TTC39B: variants seen among roughly 807,000 people sequenced by gnomAD.
TTC39B encodes the protein tetratricopeptide repeat domain 39B.
TTC39B carries 92 observed loss-of-function variants against 96.6 expected under a neutral mutation model. The observed-to-expected ratio is 0.95, with a 90% confidence interval of 0.80 to 1.13. The LOEUF is 1.13. TTC39B is among the 50% of genes most tolerant of loss of function. The pLI is 0.00. For missense variants in TTC39B, 955 were observed against 809.3 expected (o/e 1.18, Z -2.18); for synonymous variants, 367 against 299.4 (o/e 1.23, Z -2.33).
intron 2 of TTC39B, among the ~76,000 whole-genome samples, chr9:15,254,786 G>A (rs1210194024): frequency 2.7e-5 from 4 of 149,628 alleles, no homozygotes; most frequent in Non-Finnish European, 4.4e-5. Flanking sequence ...AAATGGCAAA[G>A]AATCCCTTAA....
Position 15,187,041 on chromosome 9 carries a change from G to A in TTC39B, c.1396-6C>T, listed in dbSNP as rs780747379. ...TTCAAGAACACATAAGTTGCCTTGA[G>A]AAAAAGAAGGAGCTTATTACAGAAC... On this transcript the variant is annotated splice_polypyrimidine_tract_variant and splice_region_variant and intron_variant, in intron 14 of 19. Coordinates refer to ENST00000512701, the Ensembl canonical transcript of TTC39B. The A allele has an allele frequency of 2.5e-6, 4 of 1,605,320 alleles. No individual in the cohort carries two copies. Among genetic ancestry groups the A allele is most frequent in the African/African-American group, 2.7e-5 (2 of 74,280 alleles).
At chr9:15,238,329 T>C (rs2131459916) in intron 2 of TTC39B, among the ~76,000 whole-genome samples, 1 of 152,290 alleles carries the variant, frequency 6.6e-6, no homozygotes, top group Non-Finnish European at 1.5e-5. Context: ...ATTATCTTTG[T>C]TAATTGATGA....
chr9:15,256,476 A>G (rs1464705531), intron 2 of TTC39B, among the ~76,000 whole-genome samples: 1 of 152,242 alleles, frequency 6.6e-6, no homozygotes, highest in Non-Finnish European at 1.5e-5. Flanking sequence ...TGTGACAAGC[A>G]TGGTGCATAG....
chr9:15,272,546 C>A (rs1823394976), intron 1 of TTC39B, among the ~76,000 whole-genome samples: 2 of 152,178 alleles, frequency 1.3e-5, no homozygotes, highest in African/African-American at 4.8e-5. Context: ...ACTCCCATAC[C>A]AGGGCCAACC....
intron 13 of TTC39B, among the ~76,000 whole-genome samples, chr9:15,188,342 T>C (rs1818656450): frequency 6.6e-6 from 1 of 152,174 alleles, no homozygotes; most frequent in African/African-American, 2.4e-5. Context: ...CTTGACACTT[T>C]GTAATGTGGG....
chr9:15,235,864 G>T (rs748925840), intron 2 of TTC39B, among the ~76,000 whole-genome samples: 2 of 152,102 alleles, frequency 1.3e-5, no homozygotes, highest in Non-Finnish European at 2.9e-5. Context: ...AAAAGAACAC[G>T]TAAGTGCAAA....
chr9:15,200,315 C>T (rs1819460137), intron 7 of TTC39B, among the ~76,000 whole-genome samples: 1 of 152,192 alleles, frequency 6.6e-6, no homozygotes. Context: ...GCCAAACCTT[C>T]CAGTACATTA....
At chr9:15,190,095 G>C (rs1194124354) in intron 11 of TTC39B, among the ~76,000 whole-genome samples, 3 of 151,770 alleles carry the variant, frequency 2.0e-5, no homozygotes, top group Non-Finnish European at 4.4e-5. Context: ...TTTCTGCAAA[G>C]AAAAAAATCT....
intron 1 of TTC39B, among the ~76,000 whole-genome samples, chr9:15,288,576 C>T (rs1458838902): frequency 1.3e-5 from 2 of 152,216 alleles, no homozygotes; most frequent in Admixed American, 6.5e-5. Context: ...TGAGAGCCAC[C>T]TCCACCATTC....
chr9:15,167,757 A>C (rs1460610940), exon 20 of TTC39B: 2 of 152,212 alleles, frequency 1.3e-5, no homozygotes, highest in Non-Finnish European at 2.9e-5. Flanking sequence ...TGTCTCAAAA[A>C]ATATATATAT....
intron 19 of TTC39B, 76 bp downstream of exon 19, chr9:15,174,943 G>C: frequency 1.1e-6 from 1 of 890,428 alleles, no homozygotes; most frequent in Non-Finnish European, 1.9e-6. Context: ...AGTATATAAT[G>C]TTACTGCTGT....
At position 15,227,407 on chromosome 9, in the gene TTC39B, T is replaced by C. The variant is rs142659291; in HGVS notation, c.276-1395A>G. On this transcript the variant is annotated intron_variant, in intron 2 of 19. Coordinates refer to ENST00000512701, the Ensembl canonical transcript of TTC39B. The stretch of plus-strand genomic sequence containing the variant: ...TCAGACTTCCCAATGCACTCTAATA[T>C]TTTACACTAGACATTCATTTTTATC... Among the ~76,000 whole-genome samples, 516 of 152,258 alleles carry C rather than the reference T, an allele frequency of 3.4e-3. 4 individuals are homozygous for C. The highest frequency in any genetic ancestry group is 0.012 in the African/African-American group (501 of 41,552).
chr9:15,228,059 G>C lies in TTC39B; in HGVS notation c.276-2047C>G, dbSNP rs113532586. On this transcript the variant is annotated intron_variant, in intron 2 of 19. Transcript: ENST00000512701. The stretch of plus-strand genomic sequence containing the variant: ...ATCTTTTGCCATGTTTCCCAAGATT[G>C]TTTTTAAAAAAACACATCTTTTCCC... Among the ~76,000 whole-genome samples, 712 of 152,032 alleles carry C rather than the reference G, an allele frequency of 4.7e-3. 2 individuals are homozygous for C. Among genetic ancestry groups the C allele is most frequent in the Non-Finnish European group, 6.8e-3 (464 of 67,960 alleles).
At chr9:15,192,831 T>A in intron 8 of TTC39B, 136 bp from the exon 9 acceptor site, 2 of 617,340 alleles carry the variant, frequency 3.2e-6, no homozygotes, top group Non-Finnish European at 5.6e-6. Flanking sequence ...AGGATGATGC[T>A]GTGCTGAGTT....
exon 19 of TTC39B, chr9:15,175,090 T>C (rs1170225787): frequency 4.3e-6 from 7 of 1,613,690 alleles, no homozygotes; most frequent in Admixed American, 1.7e-5. Flanking sequence ...CCAATTCAAA[T>C]AGAGTGAACG....
intron 6 of TTC39B, among the ~76,000 whole-genome samples, chr9:15,204,953 T>C (rs570801574): frequency 1.3e-5 from 2 of 152,288 alleles, no homozygotes; most frequent in East Asian, 1.9e-4. Flanking sequence ...CTTTTTTCCA[T>C]ACACAAGTCA....
chr9:15,284,186 A>G (rs1238074898), intron 1 of TTC39B, among the ~76,000 whole-genome samples: 4 of 152,244 alleles, frequency 2.6e-5, no homozygotes, highest in Non-Finnish European at 5.9e-5. Flanking sequence ...TAAATGTGGA[A>G]ATGTGCACGT....
intron 2 of TTC39B, among the ~76,000 whole-genome samples, chr9:15,232,944 C>G (rs1821510407): frequency 6.6e-6 from 1 of 152,156 alleles, no homozygotes; most frequent in Non-Finnish European, 1.5e-5. Context: ...GGTTCGAACA[C>G]TCTGGGGACT....
chr9:15,258,643 GC>G (rs1822839738), intron 2 of TTC39B, among the ~76,000 whole-genome samples: 1 of 152,172 alleles, frequency 6.6e-6, no homozygotes, highest in Non-Finnish European at 1.5e-5. Context: ...GCTGAGCATT[GC>G]TACCAGGGCT....
Sources: allele counts gnomAD v4.1 joint callset (sites outside exome capture counted in the v4.1 genomes callset), GRCh38; gene constraint gnomAD v4.1.1; transcripts MANE v1.5; gene names NCBI Gene and HGNC (gene_info 2026-07-23, HGNC 2026-07-21).